EEA1: variants seen among roughly 807,000 people sequenced by gnomAD.
EEA1 encodes early endosome antigen 1, 162kD.
EEA1 carries 111 observed loss-of-function variants against 209.2 expected under a neutral mutation model. The ratio of observed to expected loss-of-function variants is 0.53; its 90% confidence interval spans 0.45 to 0.62. The LOEUF (loss-of-function observed/expected upper bound fraction) is 0.62. EEA1 is among the 20% of genes least tolerant of loss of function. EEA1 has a pLI of 0.00. For synonymous variants in EEA1, 536 were observed against 540.6 expected (o/e 0.99, Z 0.12); for missense variants, 1,343 against 1,530.8 (o/e 0.88, Z 2.05).
chr12:92,890,675 A>G (rs1879623058), intron 2 of EEA1, among the ~76,000 whole-genome samples: 1 of 152,208 alleles, frequency 6.6e-6, no homozygotes, highest in Non-Finnish European at 1.5e-5. Flanking sequence ...CACAGTTTAG[A>G]ACATTTTTCT....
chr12:92,887,779 TA>T (rs1356832754), intron 2 of EEA1, among the ~76,000 whole-genome samples: 3 of 152,202 alleles, frequency 2.0e-5, no homozygotes, highest in African/African-American at 7.2e-5. Context: ...TATCAAGATG[TA>T]ACCCCATCAT....
intron 9 of EEA1, among the ~76,000 whole-genome samples, chr12:92,844,150 A>C (rs928846607): frequency 4.6e-5 from 7 of 152,146 alleles, no homozygotes; most frequent in Non-Finnish European, 7.4e-5. Context: ...ACTTGGGCTT[A>C]TTTTAAAAAT....
rs1881044071 is a variant in EEA1 at position 92,922,431 on chromosome 12, C to T, written c.24+6612G>A. On this transcript the variant is annotated intron_variant, in intron 1 of 28. Transcript: ENST00000322349. ...TATCCCTAGACTGAGGGCCAGAGGTCCAGAAATTCTGATTCAATTGAGAAA... is the reference window on the plus strand; with the variant it reads ...TATCCCTAGACTGAGGGCCAGAGGTTCAGAAATTCTGATTCAATTGAGAAA... 3.9e-5 allele frequency among the ~76,000 whole-genome samples: 6 copies of T among 152,292 alleles called. 1 individual carries two copies. The South Asian group carries it at 1.2e-3, about 32-fold the overall frequency.
intron 15 of EEA1, among the ~76,000 whole-genome samples, chr12:92,814,437 GA>G (rs1875679980): frequency 6.6e-6 from 1 of 152,086 alleles, no homozygotes; most frequent in Admixed American, 6.5e-5. Context: ...AAAAACTCAT[GA>G]AATATTTTAA....
chr12:92,808,555 G>T (rs1167556737), intron 18 of EEA1, among the ~76,000 whole-genome samples: 1 of 149,998 alleles, frequency 6.7e-6, no homozygotes, highest in Non-Finnish European at 1.5e-5. Context: ...TGACAGCCTC[G>T]ACCTCCCAAG....
At chr12:92,874,743 T>C (rs1878804362) in intron 2 of EEA1, among the ~76,000 whole-genome samples, 1 of 152,236 alleles carries the variant, frequency 6.6e-6, no homozygotes, top group Non-Finnish European at 1.5e-5. Flanking sequence ...CCATATACAG[T>C]CATTCATTCA....
intron 21 of EEA1, among the ~76,000 whole-genome samples, chr12:92,790,605 C>T (rs533308520): frequency 6.6e-6 from 1 of 152,168 alleles, no homozygotes; most frequent in East Asian, 1.9e-4. Context: ...ACAAAGCCTC[C>T]AAGAAATATG....
intron 14 of EEA1, among the ~76,000 whole-genome samples, chr12:92,816,744 T>C (rs926324254): frequency 5.9e-5 from 9 of 152,200 alleles, no homozygotes; most frequent in African/African-American, 2.2e-4. Flanking sequence ...TAGCCCAGAA[T>C]GTTTCCTCAT....
At chr12:92,795,211 T>C (rs1459061194) in intron 21 of EEA1, among the ~76,000 whole-genome samples, 2 of 152,210 alleles carry the variant, frequency 1.3e-5, no homozygotes, top group Non-Finnish European at 1.5e-5. Context: ...GCTCATCTCA[T>C]GTTACCTTCT....
intron 2 of EEA1, among the ~76,000 whole-genome samples, chr12:92,874,654 C>A (rs1878800841): frequency 6.6e-6 from 1 of 152,250 alleles, no homozygotes; most frequent in African/African-American, 2.4e-5. Context: ...GCGTGAGCCA[C>A]AGTGCCCAGC....
At chr12:92,903,929 T>C (rs1282920529) in intron 1 of EEA1, among the ~76,000 whole-genome samples, 25 of 152,104 alleles carry the variant, frequency 1.6e-4, no homozygotes, top group Non-Finnish European at 2.9e-5. Flanking sequence ...CCATAATTTT[T>C]TGTTAGTGTT....
At chr12:92,903,781 A>G (rs1276272901) in intron 1 of EEA1, among the ~76,000 whole-genome samples, 1 of 152,188 alleles carries the variant, frequency 6.6e-6, no homozygotes, top group Non-Finnish European at 1.5e-5. Flanking sequence ...ATACACATAA[A>G]GAGATTAAAA....
chr12:92,862,216 G>A (rs1317505111), intron 3 of EEA1, among the ~76,000 whole-genome samples: 5 of 60,070 alleles, frequency 8.3e-5, no homozygotes, highest in Non-Finnish European at 3.1e-5. Context: ...CAATAAAAAC[G>A]GAAACGCATG....
At chr12:92,777,751 T>C in intron 26 of EEA1, 88 bp from the exon 27 acceptor site, 1 of 1,372,570 alleles carries the variant, frequency 7.3e-7, no homozygotes, top group Non-Finnish European at 9.8e-7. Flanking sequence ...ACTTTAGTAA[T>C]TTAAAATATA....
chr12:92,921,392 A>G (rs1268690421), intron 1 of EEA1, among the ~76,000 whole-genome samples: 209 of 103,934 alleles, frequency 2.0e-3, no homozygotes, highest in African/African-American at 8.3e-3. Context: ...AATGTGGCAC[A>G]TATACACCAT....
At chr12:92,858,087 G>A (rs1045995653) in intron 3 of EEA1, 62 of 472,486 alleles carry the variant, frequency 1.3e-4, no homozygotes, top group Middle Eastern at 3.3e-4. Flanking sequence ...CAACATGAAC[G>A]GGAGCTCAAC....
chr12:92,780,430 T>C lies in EEA1; in HGVS notation c.3337-19A>G. 7.0e-7 allele frequency: 1 copy of C among 1,435,068 alleles called. No individual in the cohort carries two copies. The highest frequency in any genetic ancestry group is 9.4e-7 in the Non-Finnish European group (1 of 1,064,252). 88.9% of individuals were successfully genotyped at this position (1,435,068 alleles called of 1,614,324 possible). A position where few individuals can be genotyped will look rare whatever the true frequency, so the allele number is the denominator to read the frequency against. Reference sequence around the variant, plus strand: ...TCAGTGACTGTAGAAAAATGATATATTTTAAAATTATTTTAAAGCAAATAC... The same window carrying C: ...TCAGTGACTGTAGAAAAATGATATACTTTAAAATTATTTTAAAGCAAATAC... On this transcript the variant is annotated intron_variant, in intron 23 of 28. Coordinates refer to ENST00000322349, the MANE Select transcript of EEA1 (RefSeq NM_003566.4).
chr12:92,899,129 C>CA (rs138666239), intron 1 of EEA1, among the ~76,000 whole-genome samples: 23 of 137,582 alleles, frequency 1.7e-4, no homozygotes, highest in Admixed American at 1.3e-3. Flanking sequence ...TGGCCAAAGG[C>CA]AAAAAAAAAA....
intron 2 of EEA1, among the ~76,000 whole-genome samples, chr12:92,867,679 T>C (rs1008662248): frequency 1.3e-5 from 2 of 152,190 alleles, no homozygotes; most frequent in African/African-American, 4.8e-5. Context: ...GATACTGATA[T>C]GTAGACAAAT....
Sources: gnomAD v4.1 joint callset for allele counts (sites outside exome capture counted in the v4.1 genomes callset) on GRCh38, gnomAD v4.1.1 for gene constraint, MANE v1.5 for transcripts, NCBI Gene and HGNC (gene_info 2026-07-23, HGNC 2026-07-21) for gene names.